The following CTTNBP2NL variants were observed in gnomAD, a reference collection of about 807,000 sequenced individuals.
The protein encoded by CTTNBP2NL is CTTNBP2 N-terminal like.
CTTNBP2NL carries 16 observed loss-of-function variants against 32.5 expected under a neutral mutation model. The ratio of observed to expected loss-of-function variants is 0.49; its 90% CI spans 0.33 to 0.75. CTTNBP2NL has a LOEUF of 0.75. CTTNBP2NL is among the 30% of genes least tolerant of loss of function. The pLI is 0.02. For synonymous variants in CTTNBP2NL, 298 were observed against 289.4 expected (o/e 1.03, Z -0.30); for missense variants, 645 against 756.0 (o/e 0.85, Z 1.72).
intron 2 of CTTNBP2NL, 172 bp from the exon 3 acceptor site, chr1:112,415,985 G>T: frequency 1.9e-6 from 1 of 531,620 alleles, no homozygotes; most frequent in South Asian, 2.5e-5. Flanking sequence ...ACTTTCTGTT[G>T]TTGCTTAGTT....
At chr1:112,425,087 C>A (rs1432407957) in intron 3 of CTTNBP2NL, among the ~76,000 whole-genome samples, 1 of 151,894 alleles carries the variant, frequency 6.6e-6, no homozygotes, top group Non-Finnish European at 1.5e-5. Flanking sequence ...CCTCACCCTC[C>A]CAAAGTGCTG....
intron 1 of CTTNBP2NL, among the ~76,000 whole-genome samples, chr1:112,408,536 C>T (rs569354403): frequency 1.3e-5 from 2 of 152,134 alleles, no homozygotes; most frequent in Non-Finnish European, 2.9e-5. Flanking sequence ...CTTCTACCTC[C>T]AATATGAGGT....
At chr1:112,410,162 G>A (rs1295676545) in intron 1 of CTTNBP2NL, among the ~76,000 whole-genome samples, 2 of 152,152 alleles carry the variant, frequency 1.3e-5, no homozygotes, top group African/African-American at 4.8e-5. Flanking sequence ...GGAGGCCAAG[G>A]CGGGGGGATC....
chr1:112,438,908 G>A (rs72699013), intron 3 of CTTNBP2NL, among the ~76,000 whole-genome samples: 6,164 of 152,152 alleles, frequency 0.041, 159 homozygotes, highest in Non-Finnish European at 0.062. Context: ...TAGTCTTGAC[G>A]TTTTTACTCT....
chr1:112,405,116 T>C (rs1648621268), intron 1 of CTTNBP2NL, among the ~76,000 whole-genome samples: 1 of 152,228 alleles, frequency 6.6e-6, no homozygotes, highest in Non-Finnish European at 1.5e-5. Flanking sequence ...CTGGTAATAA[T>C]ATTCTGATGT....
chr1:112,440,344 T>A (rs936923190), intron 3 of CTTNBP2NL, among the ~76,000 whole-genome samples: 2 of 152,254 alleles, frequency 1.3e-5, no homozygotes, highest in Non-Finnish European at 2.9e-5. Context: ...ATAATACCGA[T>A]TACTTATCAT....
intron 3 of CTTNBP2NL, among the ~76,000 whole-genome samples, chr1:112,439,633 C>T (rs928050324): frequency 6.6e-6 from 1 of 152,124 alleles, no homozygotes; most frequent in Non-Finnish European, 1.5e-5. Context: ...AGCACATCTC[C>T]AATAAAGGTT....
intron 1 of CTTNBP2NL, among the ~76,000 whole-genome samples, chr1:112,400,687 G>A (rs1293732387): frequency 1.3e-5 from 2 of 152,192 alleles, no homozygotes; most frequent in Non-Finnish European, 2.9e-5. Flanking sequence ...AGCTACTCCG[G>A]AGGCTGAGGC....
At chr1:112,404,757 A>G (rs1002775162) in intron 1 of CTTNBP2NL, among the ~76,000 whole-genome samples, 3 of 152,254 alleles carry the variant, frequency 2.0e-5, no homozygotes. Context: ...AACAAATTAT[A>G]TAGAAATGAT....
At chr1:112,393,572 T>C (rs1448311299), upstream of CTTNBP2NL, among the ~76,000 whole-genome samples, 2 of 152,238 alleles carry the variant, frequency 1.3e-5, no homozygotes, top group Non-Finnish European at 2.9e-5. Flanking sequence ...ACAAGGTTTA[T>C]GTATTGAAGA....
intron 3 of CTTNBP2NL, among the ~76,000 whole-genome samples, chr1:112,421,313 T>TTC (rs1553224546): frequency 1.7e-4 from 23 of 138,470 alleles, no homozygotes; most frequent in African/African-American, 5.4e-4. Context: ...TTCTTTTCTT[T>TTC]TTTTTTTTTT....
At chr1:112,403,668 T>G (rs1032821961) in intron 1 of CTTNBP2NL, among the ~76,000 whole-genome samples, 2 of 152,256 alleles carry the variant, frequency 1.3e-5, no homozygotes, top group Non-Finnish European at 2.9e-5. Flanking sequence ...GATTAAAACC[T>G]GTTAAAATTC....
intron 3 of CTTNBP2NL, among the ~76,000 whole-genome samples, chr1:112,443,343 A>G (rs893378950): frequency 1.3e-5 from 2 of 152,140 alleles, no homozygotes; most frequent in African/African-American, 4.8e-5. Flanking sequence ...CCTCCTGAGT[A>G]TCTGGGATTA....
At chr1:112,405,489 G>C (rs1366308179) in intron 1 of CTTNBP2NL, among the ~76,000 whole-genome samples, 1 of 152,058 alleles carries the variant, frequency 6.6e-6, no homozygotes, top group Non-Finnish European at 1.5e-5. Flanking sequence ...GTAGAGATGG[G>C]GTTTCACCAT....
At chr1:112,425,778 G>A (rs927949722) in intron 3 of CTTNBP2NL, among the ~76,000 whole-genome samples, 2 of 151,928 alleles carry the variant, frequency 1.3e-5, no homozygotes, top group Non-Finnish European at 2.9e-5. Flanking sequence ...TAGGAGACTT[G>A]ATCGAATTAA....
chr1:112,433,585 C>T (rs1649637214), intron 3 of CTTNBP2NL, among the ~76,000 whole-genome samples: 1 of 152,170 alleles, frequency 6.6e-6, no homozygotes, highest in African/African-American at 2.4e-5. Flanking sequence ...GAGCAAGACT[C>T]CATCTCAAAA....
At chr1:112,405,880 T>C (rs900740278) in intron 1 of CTTNBP2NL, among the ~76,000 whole-genome samples, 16 of 152,112 alleles carry the variant, frequency 1.1e-4, no homozygotes, top group Non-Finnish European at 2.1e-4. Context: ...CGAATTAAAC[T>C]GGATCTTAAA....
At chr1:112,425,344 G>A (rs1649363652) in intron 3 of CTTNBP2NL, among the ~76,000 whole-genome samples, 1 of 151,824 alleles carries the variant, frequency 6.6e-6, no homozygotes, top group Non-Finnish European at 1.5e-5. Context: ...GGTGGCACAC[G>A]CCTGTAGTCC....
intron 3 of CTTNBP2NL, among the ~76,000 whole-genome samples, chr1:112,446,179 A>G (rs1221305302): frequency 7.6e-6 from 1 of 132,438 alleles, no homozygotes; most frequent in Admixed American, 8.8e-5. Context: ...ATTTTTCTAA[A>G]CATGGCCTAA....
Sources: allele counts gnomAD v4.1 joint callset (sites outside exome capture counted in the v4.1 genomes callset), GRCh38; gene constraint gnomAD v4.1.1; transcripts MANE v1.5; gene names NCBI Gene and HGNC (gene_info 2026-07-23, HGNC 2026-07-21).